NLK: variants seen among roughly 807,000 people sequenced by gnomAD.
NLK encodes serine/threonine-protein kinase NLK.
In NLK, 11 loss-of-function variants were observed where a neutral mutation model predicts 59.0. That is an observed-to-expected ratio of 0.19 (90% CI 0.12 to 0.31). The LOEUF is 0.31. Among genes scored for constraint, NLK ranks in the 10% least tolerant of loss-of-function variants. The probability of loss-of-function intolerance (pLI) is 1.00; values close to 1 mark genes in which losing one functional copy is unlikely to be tolerated. For synonymous variants in NLK, 235 were observed against 235.9 expected, an observed-to-expected ratio of 1.00 and a Z score of 0.03; for missense variants, 410 against 661.1, an observed-to-expected ratio of 0.62 and a Z score of 4.16.
chr17:28,047,868 G>A (rs773676166), intron 1 of NLK: 2 of 397,670 alleles, frequency 5.0e-6, no homozygotes, highest in African/African-American at 2.1e-5. Flanking sequence ...AGTTGCATCA[G>A]AAAGAGTAGT....
intron 1 of NLK, among the ~76,000 whole-genome samples, chr17:28,106,456 A>G (rs1337885408): frequency 6.6e-6 from 1 of 152,218 alleles, no homozygotes; most frequent in African/African-American, 2.4e-5. Flanking sequence ...CACAAAAACC[A>G]ATAAATGCAA....
intron 1 of NLK, among the ~76,000 whole-genome samples, chr17:28,069,845 A>C (rs1436637844): frequency 6.6e-6 from 1 of 152,172 alleles, no homozygotes; most frequent in Non-Finnish European, 1.5e-5. Context: ...TTCATTTTGT[A>C]AATGATGTCT....
chr17:28,108,041 C>G (rs1905273762), intron 1 of NLK, among the ~76,000 whole-genome samples: 1 of 152,244 alleles, frequency 6.6e-6, no homozygotes, highest in East Asian at 1.9e-4. Context: ...TGAGCCCAGC[C>G]TGGCCAACAT....
At chr17:28,086,604 G>T (rs1164862316) in intron 1 of NLK, among the ~76,000 whole-genome samples, 1 of 151,618 alleles carries the variant, frequency 6.6e-6, no homozygotes. Context: ...TTTGTTTTTT[G>T]CCTTAACTTT....
intron 1 of NLK, among the ~76,000 whole-genome samples, chr17:28,044,303 A>G (rs73271103): frequency 0.013 from 1,942 of 152,314 alleles, 36 homozygotes; most frequent in African/African-American, 0.044. Context: ...GCATTCAAAA[A>G]TTGTTACTCC....
At chr17:28,091,009 T>C (rs1904472258) in intron 1 of NLK, among the ~76,000 whole-genome samples, 1 of 152,186 alleles carries the variant, frequency 6.6e-6, no homozygotes, top group Non-Finnish European at 1.5e-5. Flanking sequence ...TATATTCATA[T>C]AGTGGAATAC....
intron 2 of NLK, among the ~76,000 whole-genome samples, chr17:28,123,404 T>C (rs554543530): frequency 6.6e-6 from 1 of 152,312 alleles, no homozygotes; most frequent in East Asian, 1.9e-4. Flanking sequence ...TAGACCCTTT[T>C]TGTGACTGAA....
At chr17:28,084,321 A>G (rs1383650918) in intron 1 of NLK, among the ~76,000 whole-genome samples, 1 of 152,228 alleles carries the variant, frequency 6.6e-6, no homozygotes, top group Non-Finnish European at 1.5e-5. Context: ...GTTGCAGCAC[A>G]TACTTATTGA....
chr17:28,118,530 T>C (rs902770851), intron 1 of NLK, among the ~76,000 whole-genome samples: 1 of 152,238 alleles, frequency 6.6e-6, no homozygotes, highest in African/African-American at 2.4e-5. Context: ...TTTTAGTGGC[T>C]GAGAAAGTAT....
At chr17:28,080,071 G>A (rs1046565265) in intron 1 of NLK, among the ~76,000 whole-genome samples, 2 of 151,910 alleles carry the variant, frequency 1.3e-5, no homozygotes, top group Non-Finnish European at 2.9e-5. Flanking sequence ...TAACCTGCAG[G>A]TCAGCGACTT....
chr17:28,198,940 C>G (rs2142079407), downstream of NLK, among the ~76,000 whole-genome samples: 1 of 152,282 alleles, frequency 6.6e-6, no homozygotes, highest in South Asian at 2.1e-4. Flanking sequence ...TTATTTCATT[C>G]AGGCAGCAAA....
At chr17:28,204,388 G>A in the NLK span, among the ~76,000 whole-genome samples, 2 of 152,222 alleles carry the variant, frequency 1.3e-5, no homozygotes, top group African/African-American at 4.8e-5. Flanking sequence ...GGAAGAGTGC[G>A]TAGTGTTTAG....
chr17:28,156,218 A>G (rs988809186), intron 3 of NLK, among the ~76,000 whole-genome samples: 2 of 152,170 alleles, frequency 1.3e-5, no homozygotes, highest in African/African-American at 2.4e-5. Context: ...AGCTTTAACA[A>G]TATTAATCAT....
intron 2 of NLK, among the ~76,000 whole-genome samples, chr17:28,128,243 G>A (rs1906371223): frequency 2.0e-5 from 3 of 152,058 alleles, no homozygotes; most frequent in Admixed American, 1.3e-4. Context: ...ATAAAAAATT[G>A]TTTAATTGGA....
intron 1 of NLK, among the ~76,000 whole-genome samples, chr17:28,111,900 T>TG (rs1409446718): frequency 0.022 from 2,137 of 98,498 alleles, 17 homozygotes; most frequent in Non-Finnish European, 0.032. Flanking sequence ...GTGTGTGGTG[T>TG]GTGTGTGTGT....
intron 1 of NLK, among the ~76,000 whole-genome samples, chr17:28,111,406 C>T (rs1339706220): frequency 6.6e-6 from 1 of 151,772 alleles, no homozygotes; most frequent in Non-Finnish European, 1.5e-5. Flanking sequence ...CCAGGCTGAC[C>T]TCAGGAGATC....
chr17:28,134,061 A>G (rs1233160545), intron 3 of NLK, among the ~76,000 whole-genome samples: 4 of 152,090 alleles, frequency 2.6e-5, no homozygotes, highest in African/African-American at 7.2e-5. Context: ...AACTGCATCC[A>G]TGGATGAAAA....
chr17:28,074,884 A>G (rs1161556095), intron 1 of NLK, among the ~76,000 whole-genome samples: 4 of 152,198 alleles, frequency 2.6e-5, no homozygotes, highest in Non-Finnish European at 5.9e-5. Flanking sequence ...AGGAGGTGCC[A>G]ACACCCGAGG....
At chr17:28,185,296 A>G in intron 8 of NLK, 31 bp downstream of exon 8, 1 of 1,298,624 alleles carries the variant, frequency 7.7e-7, no homozygotes, top group Non-Finnish European at 1.1e-6. Flanking sequence ...TATATTTTTA[A>G]TGAATTACAA....
Sources: gnomAD v4.1 joint callset for allele counts (sites outside exome capture counted in the v4.1 genomes callset) on GRCh38, gnomAD v4.1.1 for gene constraint, MANE v1.5 for transcripts, NCBI Gene and HGNC (gene_info 2026-07-23, HGNC 2026-07-21) for gene names.